The following DHRSX variants were observed in gnomAD, a reference collection of about 807,000 sequenced individuals.
DHRSX encodes the protein dehydrogenase/reductase X-linked, also known as polyprenol dehydrogenase.
A neutral mutation model predicts 34.0 loss-of-function variants in DHRSX; 31 were observed. The observed-to-expected ratio is 0.91, with a 90% CI of 0.69 to 1.23. The LOEUF (loss-of-function observed/expected upper bound fraction) is 1.23, where lower values mean the gene tolerates loss of function less well. Ranked by LOEUF, DHRSX falls within the 50% of genes most tolerant of loss-of-function variation. The pLI, the probability that DHRSX is intolerant of heterozygous loss-of-function variation, is 0.00. For missense variants in DHRSX, 414 were observed against 428.1 expected, an observed-to-expected ratio of 0.97 and a Z score of 0.29; for synonymous variants, 201 against 183.8, an observed-to-expected ratio of 1.09 and a Z score of -0.76.
intron 2 of DHRSX, among the ~76,000 whole-genome samples, chrX:2,409,968 G>A (rs959822576): frequency 6.6e-6 from 1 of 152,128 alleles, no homozygotes; most frequent in Non-Finnish European, 1.5e-5. Context: ...CTGATCTCAG[G>A]TGATCCTCCC....
intron 3 of DHRSX, among the ~76,000 whole-genome samples, chrX:2,327,027 G>A (rs1165790868): frequency 2.6e-5 from 4 of 152,102 alleles, no homozygotes; most frequent in Non-Finnish European, 4.4e-5. Flanking sequence ...TGGCCAGGCT[G>A]GTCTCGCACT....
intron 3 of DHRSX, among the ~76,000 whole-genome samples, chrX:2,401,542 G>C (rs1288751471): frequency 6.6e-6 from 1 of 152,162 alleles, no homozygotes; most frequent in East Asian, 1.9e-4. Flanking sequence ...TAGGATTTAG[G>C]ATTACAGGGG....
intron 6 of DHRSX, among the ~76,000 whole-genome samples, chrX:2,230,471 G>T (rs917142640): frequency 4.6e-5 from 7 of 152,178 alleles, no homozygotes; most frequent in Non-Finnish European, 1.0e-4. Flanking sequence ...TTAATGTCAG[G>T]TAACACAGGT....
intron 1 of DHRSX, among the ~76,000 whole-genome samples, chrX:2,482,372 T>C (rs1381679507): frequency 4.6e-5 from 7 of 152,078 alleles, no homozygotes; most frequent in African/African-American, 1.4e-4. Flanking sequence ...CAAGTGATCC[T>C]ACTGACTTAG....
At chrX:2,408,321 G>A (rs1457404775) in intron 3 of DHRSX, among the ~76,000 whole-genome samples, 1 of 151,870 alleles carries the variant, frequency 6.6e-6, no homozygotes, top group Non-Finnish European at 1.5e-5. Flanking sequence ...TGATCCACCC[G>A]CCTCAGCCTC....
chrX:2,256,459 C>A (rs752831705), intron 5 of DHRSX, among the ~76,000 whole-genome samples: 41 of 152,168 alleles, frequency 2.7e-4, no homozygotes, highest in African/African-American at 9.2e-4. Context: ...CCATGCCTGG[C>A]TAACTTTTGC....
chrX:2,351,692 G>A (rs1039927083), intron 3 of DHRSX, among the ~76,000 whole-genome samples: 4 of 152,202 alleles, frequency 2.6e-5, no homozygotes, highest in Non-Finnish European at 5.9e-5. Flanking sequence ...CTGGCTCTCA[G>A]TGCTGGAACC....
intron 1 of DHRSX, among the ~76,000 whole-genome samples, chrX:2,439,163 TTAAAAAATAAAAACAGC>T (rs1419181317): frequency 6.7e-6 from 1 of 149,528 alleles, no homozygotes; most frequent in Non-Finnish European, 1.5e-5. Flanking sequence ...AAAAAAAAGC[TTAAAAAATAAAAACAGC>T]TTAAAAATAA....
At chrX:2,495,641 G>A (rs1159726856) in intron 1 of DHRSX, among the ~76,000 whole-genome samples, 1 of 150,956 alleles carries the variant, frequency 6.6e-6, no homozygotes, top group Admixed American at 6.7e-5. Flanking sequence ...ACCTTCTGCA[G>A]TGAGTACCCT....
At position 2,350,308 on chromosome X, in the gene DHRSX, G is replaced by A. The variant is rs764589977; in HGVS notation, c.286+58437C>T. ...GGAGGTTGCAGTGAGCCGAGATCAC[G>A]CCACTGCACTGCAGCCTGGGTGACA... On this transcript the variant is annotated intron_variant, in intron 3 of 6. Coordinates refer to ENST00000334651, the MANE Select transcript of DHRSX (RefSeq NM_145177.3). Among the ~76,000 whole-genome samples the A allele has an allele frequency of 2.0e-5, 3 of 152,252 alleles. No individual in the cohort carries two copies. In the East Asian group the frequency reaches 5.8e-4, roughly 29 times the overall value.
chrX:2,357,564 C>G (rs2042871487), intron 3 of DHRSX, among the ~76,000 whole-genome samples: 1 of 151,940 alleles, frequency 6.6e-6, no homozygotes, highest in African/African-American at 2.4e-5. Flanking sequence ...GGAAAGAGCT[C>G]TTCGTCAATG....
At chrX:2,237,500 GCTTT>G (rs1446583248) in intron 6 of DHRSX, among the ~76,000 whole-genome samples, 4 of 151,768 alleles carry the variant, frequency 2.6e-5, no homozygotes, top group East Asian at 1.9e-4. Context: ...ATTTACAATA[GCTTT>G]CTATTTTTTT....
At chrX:2,262,652 C>A (rs1264737103) in intron 5 of DHRSX, among the ~76,000 whole-genome samples, 1 of 152,238 alleles carries the variant, frequency 6.6e-6, no homozygotes, top group African/African-American at 2.4e-5. Context: ...CAGCCCCTCC[C>A]GGCCACAGGC....
intron 4 of DHRSX, among the ~76,000 whole-genome samples, chrX:2,283,572 T>G (rs1396011469): frequency 2.6e-5 from 4 of 151,700 alleles, no homozygotes; most frequent in African/African-American, 9.7e-5. Context: ...GCTGCTCAGG[T>G]GTCCGTCCAC....
Position 2,290,405 on chromosome X carries a change from C to A in DHRSX, c.388+1097G>T, listed in dbSNP as rs142372104. Among the ~76,000 whole-genome samples, 1,515 of 152,244 alleles carry A rather than the reference C, an allele frequency of 1.0e-2. 29 individuals carry two copies. The highest frequency in any genetic ancestry group is 0.034 in the African/African-American group (1,402 of 41,542). ...TCCCTCCTTACAGACATGTCCATAT[C>A]CTAATCTCCAGAATTTATGAAAATG... On this transcript the variant is annotated intron_variant, in intron 4 of 6. Transcript: ENST00000334651.
At chrX:2,287,522 GTACACA>G (rs2041818217) in intron 4 of DHRSX, among the ~76,000 whole-genome samples, 1 of 152,018 alleles carries the variant, frequency 6.6e-6, no homozygotes, top group Non-Finnish European at 1.5e-5. Context: ...TCCCCATGTG[GTACACA>G]GAATAATGGC....
chrX:2,358,486 AG>A (rs1356923498), intron 3 of DHRSX, among the ~76,000 whole-genome samples: 84 of 152,234 alleles, frequency 5.5e-4, no homozygotes, highest in Middle Eastern at 3.4e-3. Context: ...TCACAAGGTC[AG>A]GAGATCAAGA....
intron 4 of DHRSX, among the ~76,000 whole-genome samples, chrX:2,284,691 T>C (rs1448870486): frequency 1.3e-5 from 2 of 152,200 alleles, no homozygotes; most frequent in Non-Finnish European, 2.9e-5. Flanking sequence ...GGAAGCTAGA[T>C]AAATACAATT....
intron 1 of DHRSX, among the ~76,000 whole-genome samples, chrX:2,455,196 C>G (rs1569503139): frequency 6.6e-6 from 1 of 151,550 alleles, no homozygotes; most frequent in Non-Finnish European, 1.5e-5. Flanking sequence ...TACACAGCAA[C>G]AGAAGACAAA....
Sources: allele counts gnomAD v4.1 joint callset (sites outside exome capture counted in the v4.1 genomes callset), GRCh38; gene constraint gnomAD v4.1.1; transcripts MANE v1.5; gene names NCBI Gene and HGNC (gene_info 2026-07-23, HGNC 2026-07-21).